Variants in PCSK5 observed in about 807,000 individuals in gnomAD.
PCSK5 encodes the protein proprotein convertase subtilisin/kexin type 5, also known as prohormone convertase 5.
PCSK5 carries 129 observed loss-of-function variants against 233.2 expected under a neutral mutation model. The observed-to-expected ratio is 0.55, with a 90% CI of 0.48 to 0.64. The LOEUF (loss-of-function observed/expected upper bound fraction) is 0.64, where lower values mean the gene tolerates loss of function less well. PCSK5 is among the 30% of genes least tolerant of loss of function. The probability of loss-of-function intolerance (pLI) is 0.00; values close to 1 mark genes in which losing one functional copy is unlikely to be tolerated. For missense variants in PCSK5, 2,076 were observed against 2,430.1 expected (o/e 0.85, Z 3.06); for synonymous variants, 825 against 879.2 (o/e 0.94, Z 1.09).
chr9:76,359,135 T>G lies in PCSK5; in HGVS notation c.*213T>G, dbSNP rs1489602739. ...ATTAACAGTTCCTGTTCAACCGTAA[T>G]TGAAGAGCAAGGATAAAATTCAGAG... On this transcript the variant is annotated 3_prime_UTR_variant, in exon 38 of 38. Transcript: ENST00000674117. 1.9e-6 allele frequency: 1 copy of G among 539,756 alleles called. No homozygotes were observed. Among genetic ancestry groups the G allele is most frequent in the Non-Finnish European group, 3.3e-6 (1 of 303,108 alleles). The allele number at this position is 539,756 out of a possible 1,614,324, so 33.4% of individuals were successfully genotyped here.
intron 6 of PCSK5, among the ~76,000 whole-genome samples, chr9:76,069,807 T>A (rs912129356): frequency 1.3e-5 from 2 of 152,114 alleles, no homozygotes; most frequent in East Asian, 3.9e-4. Context: ...AATAAAATAG[T>A]TTCATTTTAT....
intron 10 of PCSK5, among the ~76,000 whole-genome samples, chr9:76,135,749 TTAG>T: frequency 6.6e-6 from 1 of 152,194 alleles, no homozygotes; most frequent in Admixed American, 6.5e-5. Context: ...ACACATAACC[TTAG>T]CTAGTTGAAA....
chr9:76,053,737 A>G (rs978531444), intron 5 of PCSK5, among the ~76,000 whole-genome samples: 2 of 152,100 alleles, frequency 1.3e-5, no homozygotes, highest in Non-Finnish European at 2.9e-5. Flanking sequence ...GCCATTCAAC[A>G]TGTCTCTACG....
At position 76,295,328 on chromosome 9, in the gene PCSK5, T is replaced by A. The variant is rs372170353; in HGVS notation, c.3239T>A (p.Val1080Glu). The change falls in exon 26 of 38, where the codon GTG becomes GAG. Residue 1080 changes from valine to glutamate, a missense_variant. By Grantham distance (121) the Val-to-Glu change is moderately radical (BLOSUM62 -2). This residue lies in a region of PCSK5 where 1,510 missense variants were observed against 1,538.1 expected (regional missense o/e 0.98). Transcript: ENST00000674117. ...CCTGAGAAGACCTACAGTGAGGAAG[T>A]GGAATGCAAGGCGTGTGATAGTAAC... ...TCPEKTYSEE[V>E]ECKACDSNCG... 1.1e-5 allele frequency: 17 copies of A among 1,611,636 alleles called. No homozygotes were observed. Among genetic ancestry groups the A allele is most frequent in the Admixed American group, 1.7e-5 (1 of 59,986 alleles).
intron 36 of PCSK5, among the ~76,000 whole-genome samples, chr9:76,351,526 A>G (rs1305886128): frequency 7.5e-6 from 1 of 133,784 alleles, no homozygotes; most frequent in Non-Finnish European, 1.6e-5. Flanking sequence ...GAAAGAAAGA[A>G]AGAAAGGAAG....
At chr9:76,118,482 A>AT (rs1367228607) in intron 9 of PCSK5, among the ~76,000 whole-genome samples, 1 of 152,032 alleles carries the variant, frequency 6.6e-6, no homozygotes, top group African/African-American at 2.4e-5. Flanking sequence ...AATCCAAAAG[A>AT]TTGAGAGCCT....
intron 5 of PCSK5, among the ~76,000 whole-genome samples, chr9:76,054,613 G>A (rs754082566): frequency 1.3e-5 from 2 of 152,144 alleles, no homozygotes; most frequent in African/African-American, 4.8e-5. Flanking sequence ...ATTACAACCA[G>A]TCTTACAAAT....
At chr9:76,155,293 T>C (rs1284516892) in intron 10 of PCSK5, among the ~76,000 whole-genome samples, 1 of 152,060 alleles carries the variant, frequency 6.6e-6, no homozygotes, top group Non-Finnish European at 1.5e-5. Flanking sequence ...AACAAGGAAA[T>C]TGTGTATTAT....
At chr9:76,181,902 A>G (rs1017076690) in intron 16 of PCSK5, among the ~76,000 whole-genome samples, 3 of 152,208 alleles carry the variant, frequency 2.0e-5, no homozygotes, top group African/African-American at 7.2e-5. Context: ...GGGAAAAGGC[A>G]TATGGAACAA....
chr9:75,903,339 A>G (rs1480364705), intron 1 of PCSK5, among the ~76,000 whole-genome samples: 1 of 151,980 alleles, frequency 6.6e-6, no homozygotes, highest in Non-Finnish European at 1.5e-5. Flanking sequence ...AATTGAGGTT[A>G]GCATCACAAA....
Position 76,239,035 on chromosome 9 carries a change from G to A in PCSK5, c.2943G>A (p.Glu981=). The change falls in exon 23 of 38, where the codon GAG becomes GAA. Residue 981 remains glutamate (E), a synonymous_variant. Coordinates refer to ENST00000674117, the MANE Select transcript of PCSK5 (RefSeq NM_001372043.1). ...GCCCAGAGGGCCACTATGCCACTGA[G>A]GGGAACACCTGCCTGCCCTGCCCAG... ...DSCPEGHYAT[E]GNTCLPCPDN... The A allele has an allele frequency of 6.2e-7, 1 of 1,612,056 alleles. No individual in the cohort carries two copies. The highest frequency in any genetic ancestry group is 1.1e-5 in the South Asian group (1 of 90,732).
At position 75,919,338 on chromosome 9, in the gene PCSK5, C is replaced by T. The variant is rs79725927; in HGVS notation, c.193-13041C>T. On this transcript the variant is annotated intron_variant, in intron 1 of 37. Transcript: ENST00000674117. The stretch of plus-strand genomic sequence containing the variant: ...AGCAGTATGACATTGTATGGATGTA[C>T]CAGTTTATCTTTCCACCAGCTGTAG... 9.4e-4 allele frequency among the ~76,000 whole-genome samples: 143 copies of T among 152,250 alleles called. 3 individuals are homozygous for T. In the East Asian group the frequency reaches 0.025, roughly 26 times the overall value.
At chr9:75,972,176 A>T (rs1373452907) in intron 2 of PCSK5, among the ~76,000 whole-genome samples, 1 of 152,192 alleles carries the variant, frequency 6.6e-6, no homozygotes, top group Non-Finnish European at 1.5e-5. Context: ...TTTGTTGAAG[A>T]TCAGATGGTT....
intron 11 of PCSK5, among the ~76,000 whole-genome samples, chr9:76,158,379 G>C (rs779230154): frequency 4.6e-5 from 7 of 152,160 alleles, no homozygotes; most frequent in Non-Finnish European, 1.0e-4. Flanking sequence ...AGTCCCCAAG[G>C]TGGGAAACTT....
chr9:76,332,894 C>T (rs1378167967), intron 34 of PCSK5, among the ~76,000 whole-genome samples: 1 of 152,210 alleles, frequency 6.6e-6, no homozygotes, highest in Non-Finnish European at 1.5e-5. Context: ...AGCATATTGG[C>T]AGCTGGGCAC....
At chr9:75,931,185 C>T (rs767681000) in intron 1 of PCSK5, among the ~76,000 whole-genome samples, 6 of 149,214 alleles carry the variant, frequency 4.0e-5, no homozygotes, top group East Asian at 2.0e-4. Context: ...TGGTTGAGAA[C>T]GTGATGAACA....
intron 24 of PCSK5, among the ~76,000 whole-genome samples, chr9:76,263,431 C>T (rs867299955): frequency 6.6e-5 from 10 of 152,046 alleles, no homozygotes; most frequent in Middle Eastern, 3.2e-3. Context: ...ATATACACCA[C>T]GGAATACTAT....
chr9:76,019,686 A>T (rs1459151539), intron 3 of PCSK5, among the ~76,000 whole-genome samples: 1 of 152,214 alleles, frequency 6.6e-6, no homozygotes, highest in Non-Finnish European at 1.5e-5. Flanking sequence ...TGAGATGTTT[A>T]TGAAGACCCA....
intron 5 of PCSK5, among the ~76,000 whole-genome samples, chr9:76,046,559 C>CTTTTTTTTTTTTTTTTTTTTTTTT (rs553542037): frequency 9.5e-6 from 1 of 104,806 alleles, no homozygotes; most frequent in Admixed American, 1.1e-4. Flanking sequence ...CTTTCTTTTT[C>CTTTTTTTTTTTTTTTTTTTTTTTT]TTTTTTTTTT....
Sources: gnomAD v4.1 joint callset for allele counts (sites outside exome capture counted in the v4.1 genomes callset) on GRCh38, gnomAD v4.1.1 for gene constraint, gnomAD v4.1.1 regional missense constraint, MANE v1.5 for transcripts, NCBI Gene and HGNC (gene_info 2026-07-23, HGNC 2026-07-21) for gene names.